CCNJ: variants seen among roughly 807,000 people sequenced by gnomAD.
CCNJ encodes cyclin J.
In CCNJ, 12 loss-of-function variants were observed where a neutral mutation model predicts 41.4. The observed-to-expected ratio is 0.29, with a 90% CI of 0.19 to 0.47. CCNJ has a LOEUF of 0.47. CCNJ is among the 20% of genes least tolerant of loss of function. The pLI, the probability that CCNJ is intolerant of heterozygous loss-of-function variation, is 1.00. For missense variants in CCNJ, 340 were observed against 464.6 expected, an observed-to-expected ratio of 0.73 and a Z score of 2.47; for synonymous variants, 161 against 173.4, an observed-to-expected ratio of 0.93 and a Z score of 0.56.
rs2080715950 is a variant in CCNJ at position 96,057,100 on chromosome 10, T to C, written c.593T>C (p.Leu198Pro). 6.2e-7 allele frequency: 1 copy of C among 1,614,112 alleles called. No homozygotes were observed. Among genetic ancestry groups the C allele is most frequent in the African/African-American group, 1.3e-5 (1 of 74,942 alleles). The stretch of plus-strand genomic sequence containing the variant: ...GGTGTCTCCACAGATTATGCCTTTC[T>C]AAATTATGCACCTTCTTTAGTAGCT... ...LEVSLQDYAFLNYAPSLVAAA... is the reference protein window; with the variant it reads ...LEVSLQDYAFPNYAPSLVAAA... Residue 198 changes from leucine to proline, a missense_variant, in exon 5 of 6, where the codon CTA (leucine) becomes CCA (proline). Physicochemically the swap from Leu to Pro is moderately conservative, Grantham distance 98 (BLOSUM62 -3). Transcript: ENST00000465148.
Position 96,058,585 on chromosome 10 carries a change from A to G in CCNJ, c.*344A>G. On this transcript the variant is annotated 3_prime_UTR_variant, in exon 6 of 6. Coordinates refer to ENST00000465148, the MANE Select transcript of CCNJ (RefSeq NM_001134375.2). ...TTGACCTGTGGTAGCATCTGGGCCT[A>G]ATGTTGGCTTCTAAGTCAAAGACTA... 1 of 420,238 alleles carries G rather than the reference A, an allele frequency of 2.4e-6. No individual in the cohort carries two copies. Among genetic ancestry groups the G allele is most frequent in the Non-Finnish European group, 4.2e-6 (1 of 237,776 alleles). 26.0% of individuals were successfully genotyped at this position (420,238 alleles called of 1,614,324 possible). A position where few individuals can be genotyped will look rare whatever the true frequency, so the allele number is the denominator to read the frequency against.
rs781119087 is a variant in CCNJ, at chr10:96,050,290, C to T, written c.104C>T (p.Pro35Leu). The change falls in exon 3 of 6, where the codon CCT becomes CTT. Residue 35 changes from proline to leucine, a missense_variant. Pro to Leu is a moderately conservative substitution (Grantham distance 98). Coordinates refer to ENST00000465148, the MANE Select transcript of CCNJ (RefSeq NM_001134375.2). ...TTGCCCTCCTATAAAGGCCAGTCCC[C>T]TCAGTTAAGTCTCAGACGGTATTTT... ...LKLPSYKGQS[P>L]QLSLRRYFAD... 6.2e-7 allele frequency: 1 copy of T among 1,614,078 alleles called. No homozygotes were observed. Among genetic ancestry groups the T allele is most frequent in the Non-Finnish European group, 8.5e-7 (1 of 1,179,962 alleles).
rs761232771 is a variant in CCNJ at position 96,050,367 on chromosome 10, C to T, written c.181C>T (p.Arg61Cys). 3 of 1,613,914 alleles carry T rather than the reference C, an allele frequency of 1.9e-6. No homozygotes were observed. Among genetic ancestry groups the T allele is most frequent in the Non-Finnish European group, 2.5e-6 (3 of 1,179,964 alleles). The stretch of plus-strand genomic sequence containing the variant: ...TCGCTTCACACTCTGCCCTTCTGCC[C>T]GCCATCTTGCTGTCTATTTACTGGA... ...SNRFTLCPSA[R>C]HLAVYLLDLF... Residue 61 changes from arginine to cysteine, a missense_variant, in exon 3 of 6, where the codon CGC becomes TGC. Arg to Cys is a radical substitution (Grantham distance 180). This residue lies in a region of CCNJ where 137 missense variants were observed against 252.9 expected (regional missense o/e 0.54). Transcript: ENST00000465148.
intron 2 of CCNJ, among the ~76,000 whole-genome samples, chr10:96,047,258 T>C (rs1458853872): frequency 2.0e-5 from 3 of 152,154 alleles, no homozygotes; most frequent in African/African-American, 2.4e-5. Context: ...GCAACTCACT[T>C]ACACCATTGT....
rs778018197 is a variant in CCNJ at position 96,043,675 on chromosome 10, C to T, written c.-86C>T. The T allele has an allele frequency of 1.1e-4, 45 of 394,264 alleles. No individual in the cohort carries two copies. Among genetic ancestry groups the T allele is most frequent in the South Asian group, 1.3e-4 (1 of 7,770 alleles). The allele number at this position is 394,264 out of a possible 1,614,324, so 24.4% of individuals were successfully genotyped here. A position where few individuals can be genotyped will look rare whatever the true frequency, so the allele number is the denominator to read the frequency against. ...CCGCAGCATGAGCGGGGCCGGCGTC[C>T]GCCGCACGACGGCGGGGCTGGGGCT... is the stretch of plus-strand genomic sequence containing the variant. On this transcript the variant is annotated 5_prime_UTR_variant, in exon 1 of 6. Transcript: ENST00000465148.
In CCNJ at chr10:96,059,452, C is replaced by T. The variant is rs1407492463; in HGVS notation, c.*1211C>T. 6.6e-6 allele frequency: 1 copy of T among 152,520 alleles called. No individual in the cohort carries two copies. The highest frequency in any genetic ancestry group is 2.4e-5 in the African/African-American group (1 of 41,430). The allele number at this position is 152,520 out of a possible 1,614,324, so 9.4% of individuals were successfully genotyped here. ...AACTGCCCTGGGACATTTCACTGTA[C>T]CAGTATTAACTGCAAACAGCAATAA... On this transcript the variant is annotated 3_prime_UTR_variant, in exon 6 of 6. Transcript: ENST00000465148.
At chr10:96,057,479 A>C (rs2142070605) in intron 5 of CCNJ, among the ~76,000 whole-genome samples, 1 of 152,284 alleles carries the variant, frequency 6.6e-6, no homozygotes, top group Non-Finnish European at 1.5e-5. Context: ...GTGTGTCTGT[A>C]AGTCTGTAAC....
chr10:96,056,240 T>C (rs932109516), intron 3 of CCNJ, among the ~76,000 whole-genome samples: 10 of 148,608 alleles, frequency 6.7e-5, no homozygotes, highest in East Asian at 4.0e-4. Flanking sequence ...ACCCGGGAGG[T>C]GGAGCTTGCA....
intron 1 of CCNJ, 38 bp from the exon 2 acceptor site, chr10:96,044,315 G>A: frequency 8.3e-7 from 1 of 1,201,026 alleles, no homozygotes; most frequent in Non-Finnish European, 1.1e-6. Context: ...GGGTCGCGGG[G>A]GAGCCGGCAG....
intron 5 of CCNJ, 74 bp from the exon 6 acceptor site, chr10:96,057,756 G>A: frequency 7.2e-7 from 1 of 1,398,406 alleles, no homozygotes; most frequent in African/African-American, 1.4e-5. Flanking sequence ...TTGAGTTGGG[G>A]ATGGGGCATG....
chr10:96,056,898 C>G lies in CCNJ; in HGVS notation c.478C>G (p.His160Asp), dbSNP rs1240054545. The G allele has an allele frequency of 6.2e-7, 1 of 1,614,140 alleles. No homozygotes were observed. The highest frequency in any genetic ancestry group is 2.2e-5 in the East Asian group (1 of 44,886). ...FIEYYLSEAVHETDLHDGWPM... is the reference protein window; with the variant it reads ...FIEYYLSEAVDETDLHDGWPM... ...TGAGTATTATCTCTCTGAAGCAGTACACGAAACAGATCTTCATGACGGCTG... is the reference window on the plus strand; with the variant it reads ...TGAGTATTATCTCTCTGAAGCAGTAGACGAAACAGATCTTCATGACGGCTG... The change falls in exon 4 of 6, where the codon CAC (histidine) becomes GAC (aspartate). Residue 160 changes from histidine to aspartate, a missense_variant. Physicochemically the swap from His to Asp is moderately conservative, Grantham distance 81. Coordinates refer to ENST00000465148, the MANE Select transcript of CCNJ (RefSeq NM_001134375.2).
At position 96,050,298 on chromosome 10, in the gene CCNJ, A is replaced by T; in HGVS notation, c.112A>T (p.Ser38Cys). ...PSYKGQSPQL[S>C]LRRYFADLIA... ...CTATAAAGGCCAGTCCCCTCAGTTA[A>T]GTCTCAGACGGTATTTTGCTGACTT... The change falls in exon 3 of 6, where the codon AGT becomes TGT. Residue 38 changes from serine (S) to cysteine (C), a missense_variant. By Grantham distance (112) the Ser-to-Cys change is moderately radical. Coordinates refer to ENST00000465148, the MANE Select transcript of CCNJ (RefSeq NM_001134375.2). The T allele has an allele frequency of 6.2e-7, 1 of 1,614,110 alleles. No homozygotes were observed. The highest frequency in any genetic ancestry group is 8.5e-7 in the Non-Finnish European group (1 of 1,179,986).
At chr10:96,056,124 A>G (rs1332524400) in intron 3 of CCNJ, among the ~76,000 whole-genome samples, 2 of 152,208 alleles carry the variant, frequency 1.3e-5, no homozygotes, top group Non-Finnish European at 1.5e-5. Flanking sequence ...CCTGGCTAAC[A>G]TGGTGAAACC....
At chr10:96,057,066 T>C (rs1280324235) in intron 4 of CCNJ, 22 bp from the exon 5 acceptor site, 2 of 1,613,970 alleles carry the variant, frequency 1.2e-6, no homozygotes, top group Non-Finnish European at 8.5e-7. Context: ...GTTCCTTAAG[T>C]TCATTTTTGG....
At chr10:96,051,117 A>G (rs1428857788) in intron 3 of CCNJ, among the ~76,000 whole-genome samples, 4 of 152,264 alleles carry the variant, frequency 2.6e-5, no homozygotes, top group Admixed American at 6.5e-5. Context: ...TTAATGTGCA[A>G]CTACTATAAA....
chr10:96,043,528 G>T, upstream of CCNJ: 1 of 393,686 alleles, frequency 2.5e-6, no homozygotes, highest in Non-Finnish European at 4.5e-6. Context: ...GGCAGCGGCG[G>T]GGCCTCAAGT....
chr10:96,054,072 T>C (rs531359032), intron 3 of CCNJ, among the ~76,000 whole-genome samples: 9 of 152,306 alleles, frequency 5.9e-5, no homozygotes, highest in African/African-American at 2.2e-4. Context: ...GCTTTGAAAA[T>C]GTGTTGGTTT....
chr10:96,050,216 T>C, intron 2 of CCNJ, 40 bp from the exon 3 acceptor site: 1 of 1,364,972 alleles, frequency 7.3e-7, no homozygotes, highest in Non-Finnish European at 1.0e-6. Flanking sequence ...GGGATACGCC[T>C]ACAGATAGGT....
intron 4 of CCNJ, 36 bp downstream of exon 4, chr10:96,057,036 A>G: frequency 6.2e-7 from 1 of 1,612,836 alleles, no homozygotes; most frequent in East Asian, 2.2e-5. Flanking sequence ...TGACTTGTGC[A>G]CTTGTGACTC....
Sources: allele counts gnomAD v4.1 joint callset (sites outside exome capture counted in the v4.1 genomes callset), GRCh38; gene constraint gnomAD v4.1.1; regional missense constraint gnomAD v4.1.1; transcripts MANE v1.5; gene names NCBI Gene and HGNC (gene_info 2026-07-23, HGNC 2026-07-21).